The following PLPPR1 variants were observed in gnomAD, a reference collection of about 807,000 sequenced individuals.
The protein encoded by PLPPR1 is phospholipid phosphatase-related protein type 1.
In PLPPR1, 10 loss-of-function variants were observed where a neutral mutation model predicts 33.1. The observed-to-expected ratio is 0.30, with a 90% CI of 0.19 to 0.51. PLPPR1 has a LOEUF of 0.51. PLPPR1 is among the 20% of genes least tolerant of loss of function. The pLI is 0.97. For missense variants in PLPPR1, 304 were observed against 408.1 expected, an observed-to-expected ratio of 0.74 and a Z score of 2.20; for synonymous variants, 151 against 151.0, an observed-to-expected ratio of 1.00 and a Z score of 0.00.
At chr9:101,186,746 G>T (rs529239813) in intron 2 of PLPPR1, among the ~76,000 whole-genome samples, 24 of 151,920 alleles carry the variant, frequency 1.6e-4, no homozygotes, top group Middle Eastern at 3.4e-3. Flanking sequence ...TATAGACATT[G>T]CTTGGTACTT....
At chr9:101,307,149 A>G (rs1828872606) in intron 4 of PLPPR1, among the ~76,000 whole-genome samples, 2 of 152,242 alleles carry the variant, frequency 1.3e-5, no homozygotes, top group Admixed American at 1.3e-4. Context: ...CACAGAAGGC[A>G]GAGAGAAGAA....
At chr9:101,258,344 A>G (rs1287272720) in intron 2 of PLPPR1, among the ~76,000 whole-genome samples, 1 of 152,162 alleles carries the variant, frequency 6.6e-6, no homozygotes, top group Non-Finnish European at 1.5e-5. Flanking sequence ...GTGTTATAAC[A>G]CTGATAATAT....
At chr9:101,270,137 C>T (rs1828068444) in intron 3 of PLPPR1, 69 bp downstream of exon 3, 4 of 1,510,308 alleles carry the variant, frequency 2.6e-6, no homozygotes, top group African/African-American at 1.4e-5. Context: ...TGCTTTTTCT[C>T]CTCTTTCTTC....
chr9:101,271,079 A>G (rs1828091137), intron 3 of PLPPR1, among the ~76,000 whole-genome samples: 1 of 152,206 alleles, frequency 6.6e-6, no homozygotes, highest in African/African-American at 2.4e-5. Context: ...TAATAAATTC[A>G]TTTGGCTCAT....
Position 101,119,844 on chromosome 9 carries a change from C to T in PLPPR1, c.-45-65606C>T, listed in dbSNP as rs570338641. On this transcript the variant is annotated intron_variant, in intron 1 of 7. Coordinates refer to ENST00000374874, the MANE Select transcript of PLPPR1 (RefSeq NM_207299.2). ...ATAATCTCCTCCCCATCCTTCTTCA[C>T]TTCCCTCCCCACCCAAACCACCCAT... 1.4e-4 allele frequency among the ~76,000 whole-genome samples: 21 copies of T among 152,310 alleles called. No individual in the cohort carries two copies. In the East Asian group the frequency reaches 4.1e-3, roughly 29 times the overall value.
At chr9:101,237,369 C>T (rs1827323357) in intron 2 of PLPPR1, among the ~76,000 whole-genome samples, 1 of 151,348 alleles carries the variant, frequency 6.6e-6, no homozygotes, top group South Asian at 2.1e-4. Context: ...GATACCTGCG[C>T]TGTTATATTT....
chr9:101,271,793 C>T (rs919911676), intron 3 of PLPPR1, among the ~76,000 whole-genome samples: 5 of 152,180 alleles, frequency 3.3e-5, no homozygotes, highest in African/African-American at 1.2e-4. Context: ...GACTTACTGA[C>T]ATATTTCCTC....
intron 2 of PLPPR1, among the ~76,000 whole-genome samples, chr9:101,258,174 A>C (rs1377013410): frequency 1.6e-4 from 24 of 152,090 alleles, no homozygotes; most frequent in Non-Finnish European, 7.4e-5. Context: ...AAGGCCATAC[A>C]TTTCTATTAC....
chr9:101,311,256 G>A (rs918053341), intron 5 of PLPPR1, among the ~76,000 whole-genome samples: 3 of 152,188 alleles, frequency 2.0e-5, no homozygotes, highest in Non-Finnish European at 2.9e-5. Flanking sequence ...CAGAATAAAT[G>A]TGACTATAAC....
At chr9:101,264,106 C>T (rs1588101710) in intron 2 of PLPPR1, among the ~76,000 whole-genome samples, 1 of 152,062 alleles carries the variant, frequency 6.6e-6, no homozygotes, top group African/African-American at 2.4e-5. Context: ...TGAGGGTTTC[C>T]CACCCCAGCC....
chr9:101,316,374 T>A (rs1250854825), intron 6 of PLPPR1, among the ~76,000 whole-genome samples: 1 of 151,510 alleles, frequency 6.6e-6, no homozygotes, highest in African/African-American at 2.4e-5. Flanking sequence ...GAGGCAGAGC[T>A]TGCAGTGAGC....
intron 2 of PLPPR1, among the ~76,000 whole-genome samples, chr9:101,233,329 G>A (rs1228858787): frequency 6.6e-6 from 1 of 151,886 alleles, no homozygotes; most frequent in Non-Finnish European, 1.5e-5. Flanking sequence ...TGTAACTGGG[G>A]AAAATGGAAT....
chr9:101,205,706 A>G (rs1021328647), intron 2 of PLPPR1, among the ~76,000 whole-genome samples: 4 of 152,210 alleles, frequency 2.6e-5, no homozygotes, highest in Non-Finnish European at 4.4e-5. Context: ...ATTTTATGTA[A>G]CAAACATTTA....
Position 101,268,370 on chromosome 9 carries a change from G to T in PLPPR1, c.64-1510G>T, listed in dbSNP as rs944837394. Among the ~76,000 whole-genome samples the T allele has an allele frequency of 2.6e-5, 4 of 152,150 alleles. No homozygotes were observed. In the East Asian group the frequency reaches 7.7e-4, roughly 29 times the overall value. On this transcript the variant is annotated intron_variant, in intron 2 of 7. Coordinates refer to ENST00000374874, the MANE Select transcript of PLPPR1 (RefSeq NM_207299.2). ...TATCCCAGAAGTAGAGGCTGTGCTG[G>T]TTCCAGAGAATGGTTTATAGTGGGG... is the stretch of plus-strand genomic sequence containing the variant.
At chr9:101,294,732 G>C (rs1458494509) in intron 4 of PLPPR1, among the ~76,000 whole-genome samples, 3 of 151,962 alleles carry the variant, frequency 2.0e-5, no homozygotes, top group Admixed American at 6.6e-5. Flanking sequence ...TGCAGAAAAG[G>C]CCTTTGACAA....
At chr9:101,059,013 G>C (rs117229152) in intron 1 of PLPPR1, among the ~76,000 whole-genome samples, 3,663 of 152,212 alleles carry the variant, frequency 0.024, 80 homozygotes, top group Non-Finnish European at 0.039. Flanking sequence ...CTATTCTGGT[G>C]GGGGGAGAAC....
intron 1 of PLPPR1, among the ~76,000 whole-genome samples, chr9:101,082,117 G>C (rs1830626494): frequency 6.6e-6 from 1 of 152,204 alleles, no homozygotes; most frequent in Non-Finnish European, 1.5e-5. Flanking sequence ...CAGTGCCTTA[G>C]AGACAACTGT....
At chr9:101,085,498 G>A (rs544909191) in intron 1 of PLPPR1, among the ~76,000 whole-genome samples, 15 of 152,002 alleles carry the variant, frequency 9.9e-5, no homozygotes, top group Admixed American at 1.3e-4. Context: ...GCCAGATGGG[G>A]CAATTTATAA....
chr9:101,244,747 A>C (rs1205503865), intron 2 of PLPPR1, among the ~76,000 whole-genome samples: 1 of 151,808 alleles, frequency 6.6e-6, no homozygotes, highest in South Asian at 2.1e-4. Context: ...AAAACCAAAA[A>C]TTTTTATTCA....
Sources: gnomAD v4.1 joint callset for allele counts (sites outside exome capture counted in the v4.1 genomes callset) on GRCh38, gnomAD v4.1.1 for gene constraint, MANE v1.5 for transcripts, NCBI Gene and HGNC (gene_info 2026-07-23, HGNC 2026-07-21) for gene names.